TTC28: variants seen among roughly 807,000 people sequenced by gnomAD.
TTC28 encodes tetratricopeptide repeat domain 28, also known as tetratricopeptide repeat protein 28.
Under a neutral mutation model 198.0 loss-of-function variants are expected in TTC28, and 61 were observed. That is an observed-to-expected ratio of 0.31 (90% CI 0.25 to 0.38). TTC28 has a LOEUF of 0.38. Among genes scored for constraint, TTC28 ranks in the 10% least tolerant of loss-of-function variants. The pLI is 1.00. For missense variants in TTC28, 2,678 were observed against 3,164.0 expected (o/e 0.85, Z 3.69); for synonymous variants, 1,171 against 1,297.8 (o/e 0.90, Z 2.10).
intron 2 of TTC28, among the ~76,000 whole-genome samples, chr22:28,325,900 A>G (rs1386413238): frequency 6.6e-6 from 1 of 152,180 alleles, no homozygotes; most frequent in African/African-American, 2.4e-5. Flanking sequence ...TGCTGGTAGA[A>G]TACAAATTCT....
intron 2 of TTC28, among the ~76,000 whole-genome samples, chr22:28,313,508 T>C (rs570580085): frequency 6.6e-6 from 1 of 152,184 alleles, no homozygotes; most frequent in Non-Finnish European, 1.5e-5. Context: ...AAAAAGCTTA[T>C]CCACAACAAT....
At position 28,094,295 on chromosome 22, in the gene TTC28, AAGG is replaced by A. The variant is rs1569135321; in HGVS notation, c.3767-53_3767-51del. 2.0e-6 allele frequency: 3 copies of A among 1,463,752 alleles called. No homozygotes were observed. In the South Asian group the frequency reaches 4.3e-5, roughly 21 times the overall value. 90.7% of individuals were successfully genotyped at this position (1,463,752 alleles called of 1,614,324 possible). A position where few individuals can be genotyped will look rare whatever the true frequency, so the allele number is the denominator to read the frequency against. On this transcript the variant is annotated intron_variant, in intron 11 of 22. Coordinates refer to ENST00000397906, the MANE Select transcript of TTC28 (RefSeq NM_001145418.2). ...CATTATACACAATTAGGGTCAGAGA[AAGG>A]AGAAGTTGAAGGCAGGGGACAGGAA...
intron 2 of TTC28, among the ~76,000 whole-genome samples, chr22:28,432,323 TA>T (rs902749772): frequency 1.0e-3 from 153 of 151,504 alleles, no homozygotes; most frequent in African/African-American, 3.3e-3. Context: ...AAAATAAAAA[TA>T]AAAAAATATA....
intron 2 of TTC28, among the ~76,000 whole-genome samples, chr22:28,571,805 G>A (rs991074562): frequency 4.0e-5 from 6 of 151,678 alleles, no homozygotes; most frequent in East Asian, 1.9e-4. Context: ...AAAATTAGCC[G>A]GGTGTGGTGG....
At chr22:28,312,506 A>AC (rs2145826165) in intron 2 of TTC28, among the ~76,000 whole-genome samples, 1 of 152,300 alleles carries the variant, frequency 6.6e-6, no homozygotes, top group African/African-American at 2.4e-5. Context: ...ATCACAACAA[A>AC]CTGTCTCTCA....
At chr22:28,359,963 AC>A (rs2046134215) in intron 2 of TTC28, among the ~76,000 whole-genome samples, 1 of 150,916 alleles carries the variant, frequency 6.6e-6, no homozygotes, top group African/African-American at 2.4e-5. Flanking sequence ...TCCCTACCCC[AC>A]CCCACCCTGC....
Position 28,161,723 on chromosome 22 carries a change from G to GAGGAC in TTC28, c.1441+1364_1441+1368dup, listed in dbSNP as rs558079633. On this transcript the variant is annotated intron_variant, in intron 6 of 22. Coordinates refer to ENST00000397906, the MANE Select transcript of TTC28 (RefSeq NM_001145418.2). The stretch of plus-strand genomic sequence containing the variant: ...AGAGGAGGGGAAAGAGGAAAGGAAA[G>GAGGAC]AGGACAGGACAGGACAGGACAGGAC... 9.3e-3 allele frequency among the ~76,000 whole-genome samples: 1,339 copies of GAGGAC among 144,200 alleles called. 10 individuals are homozygous for GAGGAC. The highest frequency in any genetic ancestry group is 0.024 in the Middle Eastern group (7 of 286). The allele number at this position is 144,200 out of a possible 152,430, so 94.6% of individuals were successfully genotyped here. A position where few individuals can be genotyped will look rare whatever the true frequency, so the allele number is the denominator to read the frequency against.
Position 27,996,166 on chromosome 22 carries a change from G to C in TTC28, c.5213C>G (p.Ala1738Gly). ...LTEILQHPER[A>G]RDALRVLLHL... The stretch of plus-strand genomic sequence containing the variant: ...CAGCAGCACTCGCAGGGCGTCCCGC[G>C]CACGCTCCGGGTGCTGCAGGATCTC... Residue 1738 changes from alanine to glycine, a missense_variant, in exon 17 of 23, where the codon GCG (alanine) becomes GGG (glycine). Ala to Gly is a moderately conservative substitution (Grantham distance 60). Around this residue, in one of 8 missense-constraint regions of TTC28, gnomAD observed 314 missense variants for 442.7 expected, o/e 0.71. Transcript: ENST00000397906. The C allele has an allele frequency of 6.4e-7, 1 of 1,550,798 alleles. No homozygotes were observed. The highest frequency in any genetic ancestry group is 2.4e-5 in the East Asian group (1 of 40,916).
At chr22:28,350,490 T>C (rs912555441) in intron 2 of TTC28, among the ~76,000 whole-genome samples, 1 of 152,226 alleles carries the variant, frequency 6.6e-6, no homozygotes, top group Non-Finnish European at 1.5e-5. Context: ...GTTTTAGCTT[T>C]GATGGAATAT....
At chr22:28,169,829 A>G (rs1922466986) in intron 5 of TTC28, among the ~76,000 whole-genome samples, 1 of 151,598 alleles carries the variant, frequency 6.6e-6, no homozygotes, top group African/African-American at 2.4e-5. Flanking sequence ...ATAATAATAA[A>G]ATAAAATAAA....
chr22:28,495,782 G>A (rs2146354318), intron 2 of TTC28, among the ~76,000 whole-genome samples: 1 of 152,208 alleles, frequency 6.6e-6, no homozygotes, highest in African/African-American at 2.4e-5. Context: ...TGCCTCCTGT[G>A]TTTGAACATA....
chr22:28,471,010 A>G (rs1047719221), intron 2 of TTC28, among the ~76,000 whole-genome samples: 1 of 152,212 alleles, frequency 6.6e-6, no homozygotes, highest in African/African-American at 2.4e-5. Context: ...GACGCTCAGT[A>G]CAAAAACTAT....
At chr22:28,674,337 T>C (rs1373912133) in intron 1 of TTC28, among the ~76,000 whole-genome samples, 3 of 151,442 alleles carry the variant, frequency 2.0e-5, no homozygotes, top group African/African-American at 7.3e-5. Context: ...TGGGTTTGTC[T>C]GTTTTTTGTT....
chr22:28,547,320 G>C (rs1601549274), intron 2 of TTC28, among the ~76,000 whole-genome samples: 1 of 152,178 alleles, frequency 6.6e-6, no homozygotes, highest in African/African-American at 2.4e-5. Context: ...GACTGCCAAA[G>C]TTTTTCCCTG....
At chr22:28,389,217 T>G (rs895449042) in intron 2 of TTC28, among the ~76,000 whole-genome samples, 16 of 152,204 alleles carry the variant, frequency 1.1e-4, no homozygotes, top group Admixed American at 2.6e-4. Flanking sequence ...GGATAAGCTT[T>G]TTGATGTGCT....
intron 13 of TTC28, among the ~76,000 whole-genome samples, chr22:28,020,117 G>A (rs112946211): frequency 2.0e-5 from 3 of 152,206 alleles, no homozygotes; most frequent in Non-Finnish European, 2.9e-5. Flanking sequence ...CCTCCCAGCC[G>A]CTGTGTCCCT....
At chr22:28,362,194 G>A (rs2046169925) in intron 2 of TTC28, among the ~76,000 whole-genome samples, 1 of 152,134 alleles carries the variant, frequency 6.6e-6, no homozygotes, top group Admixed American at 6.5e-5. Context: ...CCCAGTGGGA[G>A]GTAACTGAAT....
intron 12 of TTC28, among the ~76,000 whole-genome samples, chr22:28,036,813 G>C (rs866999682): frequency 6.6e-6 from 1 of 151,816 alleles, no homozygotes; most frequent in African/African-American, 2.4e-5. Flanking sequence ...TCAAATAGAC[G>C]CAATAAAAAA....
intron 14 of TTC28, among the ~76,000 whole-genome samples, chr22:28,013,268 G>A (rs1206558771): frequency 6.6e-6 from 1 of 152,214 alleles, no homozygotes; most frequent in Non-Finnish European, 1.5e-5. Context: ...TGGGAAGAAG[G>A]GGCCATGCAG....
Sources: allele counts gnomAD v4.1 joint callset (sites outside exome capture counted in the v4.1 genomes callset), GRCh38; gene constraint gnomAD v4.1.1; regional missense constraint gnomAD v4.1.1; transcripts MANE v1.5; gene names NCBI Gene and HGNC (gene_info 2026-07-23, HGNC 2026-07-21).